The following KMT2C variants were observed in gnomAD, a reference collection of about 807,000 sequenced individuals.
The protein encoded by KMT2C is histone-lysine N-methyltransferase 2C.
Under a neutral mutation model 507.9 loss-of-function variants are expected in KMT2C, and 88 were observed. The observed-to-expected ratio is 0.17, with a 90% CI of 0.15 to 0.21. The LOEUF (loss-of-function observed/expected upper bound fraction) is 0.21, where lower values mean the gene tolerates loss of function less well. Ranked by LOEUF, KMT2C falls within the 10% of genes least tolerant of loss-of-function variation. KMT2C has a pLI of 1.00. For missense variants in KMT2C, 4,954 were observed against 5,957.8 expected (o/e 0.83, Z 5.55); for synonymous variants, 2,049 against 2,080.8 (o/e 0.98, Z 0.42).
intron 2 of KMT2C, among the ~76,000 whole-genome samples, chr7:152,334,515 C>T (rs10239783): frequency 0.11 from 16,384 of 152,164 alleles, 2,101 homozygotes; most frequent in African/African-American, 0.31. Context: ...TCTATGCTTT[C>T]CAAGTTTTAG....
Position 152,181,293 on chromosome 7 carries a change from C to G in KMT2C, c.6567G>C (p.Leu2189Phe). Residue 2189 changes from leucine to phenylalanine, a missense_variant, in exon 36 of 59, where the codon TTG becomes TTC. Leu to Phe is a conservative substitution (Grantham distance 22). Transcript: ENST00000262189. ...TCTGATTTGTTACAGGTGTAACAAA[C>G]AAGTCAGTTTGTGTAGATGGTCTTG... ...QTPRPSTQTDLFVTPVTNQRH... is the reference protein window; with the variant it reads ...QTPRPSTQTDFFVTPVTNQRH... 6.2e-7 allele frequency: 1 copy of G among 1,613,918 alleles called. No homozygotes were observed. The highest frequency in any genetic ancestry group is 1.3e-5 in the African/African-American group (1 of 74,972).
Position 152,315,261 on chromosome 7 carries a change from G to A in KMT2C, c.467C>T (p.Thr156Met), listed in dbSNP as rs752277873. 12 of 1,613,636 alleles carry A rather than the reference G, an allele frequency of 7.4e-6. No homozygotes were observed. The highest frequency in any genetic ancestry group is 1.3e-5 in the African/African-American group (1 of 74,892). The change falls in exon 4 of 59, where the codon ACG becomes ATG. Residue 156 changes from threonine (T) to methionine (M), a missense_variant. By Grantham distance (81) the Thr-to-Met change is moderately conservative (BLOSUM62 -1). Around this residue, in one of 29 missense-constraint regions of KMT2C, gnomAD observed 233 missense variants for 263.6 expected, o/e 0.88. Coordinates refer to ENST00000262189, the MANE Select transcript of KMT2C (RefSeq NM_170606.3). ...TCTCCATGGCAAGATAAATCCAGGC[G>A]TTATTCTGAATTGTTTTAAGTCTCC... ...GQGDLKQFRI[T>M]PGFILPWRNQ... is the part of the protein sequence containing the mutation.
intron 2 of KMT2C, among the ~76,000 whole-genome samples, chr7:152,346,650 A>AC (rs571479132): frequency 5.3e-5 from 8 of 151,924 alleles, no homozygotes; most frequent in South Asian, 2.1e-4. Context: ...AGGGGCTCCA[A>AC]CCCCCCCACC....
chr7:152,376,319 A>T (rs570642874), intron 1 of KMT2C, among the ~76,000 whole-genome samples: 1 of 152,322 alleles, frequency 6.6e-6, no homozygotes, highest in Admixed American at 6.5e-5. Context: ...CAATTCAGGG[A>T]AAGGAAAAGT....
chr7:152,252,920 T>C lies in KMT2C; in HGVS notation c.1300-205A>G, dbSNP rs552690519. On this transcript the variant is annotated intron_variant, in intron 9 of 58. Transcript: ENST00000262189. ...CAGGCTGGAGTGCAGTGGCGCAATCTTGGCTCACTGCAACCTCTGCCTCCT... is the reference window on the plus strand; with the variant it reads ...CAGGCTGGAGTGCAGTGGCGCAATCCTGGCTCACTGCAACCTCTGCCTCCT... 3.0e-4 allele frequency among the ~76,000 whole-genome samples: 46 copies of C among 152,214 alleles called. 1 individual carries two copies. The highest frequency in any genetic ancestry group is 1.1e-3 in the African/African-American group (44 of 41,558).
Position 152,136,520 on chromosome 7 carries a change from A to G in KMT2C, c.*312T>C. The G allele has an allele frequency of 3.1e-6, 1 of 317,922 alleles. No individual in the cohort carries two copies. The highest frequency in any genetic ancestry group is 5.9e-6 in the Non-Finnish European group (1 of 170,664). 19.7% of individuals were successfully genotyped at this position (317,922 alleles called of 1,614,324 possible). On this transcript the variant is annotated 3_prime_UTR_variant, in exon 59 of 59. Coordinates refer to ENST00000262189, the MANE Select transcript of KMT2C (RefSeq NM_170606.3). ...GAGACTAGAAAACCAAAACAATGAA[A>G]CCCACCCACAAGGGAAAAACAAAAC... is the stretch of plus-strand genomic sequence containing the variant.
At chr7:152,242,585 C>T (rs10252441) in intron 14 of KMT2C, among the ~76,000 whole-genome samples, 16,337 of 151,940 alleles carry the variant, frequency 0.11, 2,120 homozygotes, top group African/African-American at 0.31. Flanking sequence ...AACCCAAAAA[C>T]AGTTTAATAT....
rs757825087 is a variant in KMT2C at position 152,181,632 on chromosome 7, A to C, written c.6228T>G (p.Ala2076=). ...RLSVDPYERP[A]LTPRPIDNFS... is the part of the protein sequence containing the mutation. ...AATTATCTATAGGTCTTGGTGTCAA[A>C]GCAGGCCTTTCATAAGGGTCAACAG... The change falls in exon 36 of 59, where the codon GCT becomes GCG. Residue 2076 remains alanine (A), a synonymous_variant. Coordinates refer to ENST00000262189, the MANE Select transcript of KMT2C (RefSeq NM_170606.3). The C allele has an allele frequency of 4.3e-6, 7 of 1,614,040 alleles. No individual in the cohort carries two copies. The African/African-American group carries it at 6.7e-5, about 15-fold the overall frequency.
rs200814469 is a variant in KMT2C, at chr7:152,277,973, ATG to A, written c.850-4108_850-4107del. On this transcript the variant is annotated intron_variant, in intron 6 of 58. Coordinates refer to ENST00000262189, the MANE Select transcript of KMT2C (RefSeq NM_170606.3). ...ATATTACTACAGACTTCATTTATGT[ATG>A]TGTGTGTGTGTACACATATATAATA... is the stretch of plus-strand genomic sequence containing the variant. Among the ~76,000 whole-genome samples, 1,515 of 152,050 alleles carry A rather than the reference ATG, an allele frequency of 1.0e-2. 36 individuals carry two copies. The highest frequency in any genetic ancestry group is 0.035 in the African/African-American group (1,455 of 41,504).
intron 6 of KMT2C, among the ~76,000 whole-genome samples, chr7:152,303,726 G>A (rs1196259701): frequency 6.6e-6 from 1 of 152,218 alleles, no homozygotes; most frequent in African/African-American, 2.4e-5. Flanking sequence ...GGTGGCTCAT[G>A]CCTGTAATCT....
rs763198348 is a variant in KMT2C, at chr7:152,176,785, T to C, written c.8668A>G (p.Ser2890Gly). The change falls in exon 38 of 59, where the codon AGT (serine) becomes GGT (glycine). Residue 2890 changes from serine (S) to glycine (G), a missense_variant. Around this residue, in one of 29 missense-constraint regions of KMT2C, gnomAD observed 1,689 missense variants for 1,654.3 expected, o/e 1.02. Transcript: ENST00000262189. ...KRTNRETAGP[S>G]ANVIQASTQL... Reference sequence around the variant, plus strand: ...GTGGATGCCTGAATGACATTTGCACTGGGGCCAGCAGTTTCTCGATTGGTT... The same window carrying C: ...GTGGATGCCTGAATGACATTTGCACCGGGGCCAGCAGTTTCTCGATTGGTT... 2 of 1,614,198 alleles carry C rather than the reference T, an allele frequency of 1.2e-6. No individual in the cohort carries two copies. The highest frequency in any genetic ancestry group is 2.2e-5 in the East Asian group (1 of 44,878).
rs958485236 is a variant in KMT2C, at chr7:152,179,671, G to C, written c.7442+163C>G. Among the ~76,000 whole-genome samples, 14 of 136,280 alleles carry C rather than the reference G, an allele frequency of 1.0e-4. No homozygotes were observed. In the South Asian group the frequency reaches 2.6e-3, roughly 26 times the overall value. 89.4% of individuals were successfully genotyped at this position (136,280 alleles called of 152,430 possible). A position where few individuals can be genotyped will look rare whatever the true frequency, so the allele number is the denominator to read the frequency against. On this transcript the variant is annotated intron_variant, in intron 37 of 58. Coordinates refer to ENST00000262189, the MANE Select transcript of KMT2C (RefSeq NM_170606.3). ...TTGTTGAAGAGGTTGGGGGGGGGGG[G>C]GGGTGGTCTCACTATATTGCCCAGG...
chr7:152,197,450 G>C (rs1181799775), intron 27 of KMT2C, among the ~76,000 whole-genome samples: 1 of 152,020 alleles, frequency 6.6e-6, no homozygotes, highest in African/African-American at 2.4e-5. Context: ...AACAGTCTTG[G>C]TCCCATTATA....
At chr7:152,299,441 C>G (rs1236967284) in intron 6 of KMT2C, among the ~76,000 whole-genome samples, 1 of 151,910 alleles carries the variant, frequency 6.6e-6, no homozygotes, top group Non-Finnish European at 1.5e-5. Context: ...CTCACTTGAG[C>G]TCAGGAGTAT....
intron 23 of KMT2C, among the ~76,000 whole-genome samples, chr7:152,211,997 G>A (rs1350149105): frequency 3.3e-5 from 5 of 152,094 alleles, no homozygotes; most frequent in Non-Finnish European, 2.9e-5. Flanking sequence ...GCAGTGAGCC[G>A]AGATTGCGCC....
intron 24 of KMT2C, among the ~76,000 whole-genome samples, chr7:152,205,929 A>C (rs1021299476): frequency 3.3e-5 from 5 of 152,166 alleles, no homozygotes; most frequent in Admixed American, 6.5e-5. Context: ...ATATTCTTTG[A>C]CTGATATGAT....
At chr7:152,409,749 T>TAAAAA (rs2097662283) in intron 1 of KMT2C, among the ~76,000 whole-genome samples, 1 of 152,210 alleles carries the variant, frequency 6.6e-6, no homozygotes, top group African/African-American at 2.4e-5. Context: ...TAAAATAAAA[T>TAAAAA]AAAAATAAAT....
intron 1 of KMT2C, among the ~76,000 whole-genome samples, chr7:152,377,294 C>G (rs2097336180): frequency 6.6e-6 from 1 of 152,300 alleles, no homozygotes; most frequent in South Asian, 2.1e-4. Context: ...AATATTAGCA[C>G]TCACTAACAA....
At chr7:152,343,359 T>C (rs2097017709) in intron 2 of KMT2C, among the ~76,000 whole-genome samples, 1 of 149,480 alleles carries the variant, frequency 6.7e-6, no homozygotes, top group African/African-American at 2.5e-5. Flanking sequence ...GGTCTATTAG[T>C]AGACCTCACA....
Sources: allele counts gnomAD v4.1 joint callset (sites outside exome capture counted in the v4.1 genomes callset), GRCh38; gene constraint gnomAD v4.1.1; regional missense constraint gnomAD v4.1.1; transcripts MANE v1.5; gene names NCBI Gene and HGNC (gene_info 2026-07-23, HGNC 2026-07-21).